The following CROCC2 variants were observed in gnomAD, a reference collection of about 807,000 sequenced individuals.
CROCC2 encodes ciliary rootlet coiled-coil protein 2.
Under a neutral mutation model 177.6 loss-of-function variants are expected in CROCC2, and 163 were observed. That is an observed-to-expected ratio of 0.92 (90% confidence interval 0.81 to 1.05). The LOEUF is 1.05. Among genes scored for constraint, CROCC2 ranks in the 50% least tolerant of loss-of-function variants. The pLI is 0.00. For missense variants in CROCC2, 1,929 were observed against 1,797.8 expected, an observed-to-expected ratio of 1.07 and a Z score of -1.32; for synonymous variants, 904 against 787.3, an observed-to-expected ratio of 1.15 and a Z score of -2.48.
At chr2:240,940,911 C>G (rs906623519) in intron 14 of CROCC2, among the ~76,000 whole-genome samples, 5 of 152,126 alleles carry the variant, frequency 3.3e-5, no homozygotes, top group Non-Finnish European at 7.4e-5. Context: ...CAAACTCTCA[C>G]TGTTTTCCGA....
rs927538616 is a variant in CROCC2, at chr2:240,917,756, A to T, written c.79-970A>T. 7.2e-5 allele frequency among the ~76,000 whole-genome samples: 11 copies of T among 152,208 alleles called. No homozygotes were observed. Among genetic ancestry groups the T allele is most frequent in the East Asian group, 3.8e-4 (2 of 5,198 alleles). ...GTAGTTAATTCACTGCCTGAAATTC[A>T]GATATCCTTAAGGCAGCAGGCCGGG... is the stretch of plus-strand genomic sequence containing the variant. On this transcript the variant is annotated intron_variant, in intron 1 of 31. Transcript: ENST00000690015. The surrounding 1 kb of genome is among the most constrained non-coding windows in gnomAD (Gnocchi z 4.9).
At chr2:240,955,071 C>T (rs2059582325) in intron 18 of CROCC2, 1 of 152,158 alleles carries the variant, frequency 6.6e-6, no homozygotes. Flanking sequence ...TTCCTCTTCT[C>T]ACTTATCAAA....
chr2:240,933,410 G>A (rs2059447169), intron 10 of CROCC2, 68 bp downstream of exon 10: 1 of 1,396,216 alleles, frequency 7.2e-7, no homozygotes, highest in East Asian at 2.5e-5. Context: ...CAGGGCTGCT[G>A]TCAGGACAAG....
chr2:240,963,490 G>T (rs922640414), intron 20 of CROCC2, 66 bp from the exon 21 acceptor site: 1 of 1,429,186 alleles, frequency 7.0e-7, no homozygotes, highest in Non-Finnish European at 9.3e-7. Flanking sequence ...GAGGCCACAG[G>T]CCCCTGTGGC....
intron 28 of CROCC2, among the ~76,000 whole-genome samples, chr2:240,987,104 G>T (rs1249868462): frequency 3.3e-5 from 5 of 152,234 alleles, no homozygotes; most frequent in East Asian, 3.9e-4. Context: ...ACTGAAGGGG[G>T]CCCAGCGCCA....
chr2:240,956,091 C>T, intron 19 of CROCC2, 119 bp downstream of exon 19: 1 of 732,686 alleles, frequency 1.4e-6, no homozygotes. Context: ...CCTTCCTGAG[C>T]CTCAGTTTCC....
At position 240,988,875 on chromosome 2, in the gene CROCC2, A is replaced by G. The variant is rs1283971304; in HGVS notation, c.4683+5A>G. On this transcript the variant is annotated splice_donor_5th_base_variant and intron_variant, in intron 29 of 31. Coordinates refer to ENST00000690015, the MANE Select transcript of CROCC2 (RefSeq NM_001351305.2). The stretch of plus-strand genomic sequence containing the variant: ...AGGCAAAATCAGCAGCTGCAGGTCA[A>G]CTGGGCCAGTGGAGCTCTGCATACC... 9.5e-6 allele frequency: 14 copies of G among 1,468,834 alleles called. No homozygotes were observed. The highest frequency in any genetic ancestry group is 1.2e-5 in the Non-Finnish European group (13 of 1,101,276). The allele number at this position is 1,468,834 out of a possible 1,614,324, so 91.0% of individuals were successfully genotyped here.
chr2:240,939,214 A>G (rs978742652), intron 14 of CROCC2, among the ~76,000 whole-genome samples: 1 of 152,096 alleles, frequency 6.6e-6, no homozygotes, highest in Admixed American at 6.5e-5. Flanking sequence ...AAAATTATAA[A>G]TGGGTACTGG....
At chr2:240,919,912 G>A in intron 2 of CROCC2, 71 bp from the exon 3 acceptor site, 1 of 669,176 alleles carries the variant, frequency 1.5e-6, no homozygotes, top group Non-Finnish European at 2.8e-6. Context: ...TCCCACCGTG[G>A]AGACAGGGCA....
intron 28 of CROCC2, among the ~76,000 whole-genome samples, chr2:240,987,006 G>A (rs907868824): frequency 1.3e-5 from 2 of 152,236 alleles, no homozygotes; most frequent in Non-Finnish European, 2.9e-5. Context: ...AGTCACGAAA[G>A]CCACCAGCCA....
At chr2:240,911,585 G>A (rs13423149) in intron 1 of CROCC2, among the ~76,000 whole-genome samples, 10,750 of 151,920 alleles carry the variant, frequency 0.071, 698 homozygotes, top group East Asian at 0.23. Flanking sequence ...GGTGTAAGCC[G>A]CCACGCCCGG....
Position 240,989,852 on chromosome 2 carries a change from C to A in CROCC2, c.4863+19C>A. 1 of 1,522,144 alleles carries A rather than the reference C, an allele frequency of 6.6e-7. No individual in the cohort carries two copies. Among genetic ancestry groups the A allele is most frequent in the Non-Finnish European group, 8.9e-7 (1 of 1,126,932 alleles). 94.3% of individuals were successfully genotyped at this position (1,522,144 alleles called of 1,614,324 possible). A position where few individuals can be genotyped will look rare whatever the true frequency, so the allele number is the denominator to read the frequency against. On this transcript the variant is annotated intron_variant, in intron 30 of 31. Coordinates refer to ENST00000690015, the MANE Select transcript of CROCC2 (RefSeq NM_001351305.2). ...AGAGCAGGTAAGGTCGGGACCCCAGCCCCCTGGGTGAGGGAAGAGGCAGGG... is the reference window on the plus strand; with the variant it reads ...AGAGCAGGTAAGGTCGGGACCCCAGACCCCTGGGTGAGGGAAGAGGCAGGG...
intron 3 of CROCC2, 129 bp from the exon 4 acceptor site, chr2:240,922,410 A>G (rs1248979488): frequency 1.7e-6 from 1 of 572,490 alleles, no homozygotes; most frequent in Non-Finnish European, 3.2e-6. Flanking sequence ...ACCCAACCCC[A>G]GCCCCTGCTG....
chr2:240,951,855 A>G (rs2059558543), intron 18 of CROCC2, among the ~76,000 whole-genome samples: 1 of 152,176 alleles, frequency 6.6e-6, no homozygotes, highest in Non-Finnish European at 1.5e-5. Context: ...CAAGCACACA[A>G]CTACCAGCCA....
chr2:240,972,773 G>A lies in CROCC2; in HGVS notation c.4401+4511G>A, dbSNP rs189340785. Reference sequence around the variant, plus strand: ...GGCCAAGTTGGTCTCATCTGCCCTCGGGAGTCCTCCAAGTCCCTGGTCTCC... The same window carrying A: ...GGCCAAGTTGGTCTCATCTGCCCTCAGGAGTCCTCCAAGTCCCTGGTCTCC... On this transcript the variant is annotated intron_variant, in intron 27 of 31. Coordinates refer to ENST00000690015, the MANE Select transcript of CROCC2 (RefSeq NM_001351305.2). This position sits in a 1 kb window ranked among gnomAD's most constrained non-coding sequence, Gnocchi z 7.1. Among the ~76,000 whole-genome samples the A allele has an allele frequency of 2.0e-4, 31 of 152,008 alleles. No homozygotes were observed. The highest frequency in any genetic ancestry group is 9.7e-4 in the East Asian group (5 of 5,156).
chr2:240,989,792 G>C lies in CROCC2; in HGVS notation c.4822G>C (p.Glu1608Gln). ...PQATQALESQEWTHQQQVKVL... is the reference protein window; with the variant it reads ...PQATQALESQQWTHQQQVKVL... ...GGCCACGCAGGCCCTGGAGTCCCAA[G>C]AATGGACCCACCAGCAGCAGGTAAA... Residue 1608 changes from glutamate (E) to glutamine (Q), a missense_variant, in exon 30 of 32, where the codon GAA becomes CAA. Physicochemically the swap from Glu to Gln is conservative, Grantham distance 29 (BLOSUM62 2). Transcript: ENST00000690015. 2 of 1,549,590 alleles carry C rather than the reference G, an allele frequency of 1.3e-6. No homozygotes were observed. Among genetic ancestry groups the C allele is most frequent in the Non-Finnish European group, 1.7e-6 (2 of 1,146,320 alleles).
chr2:240,910,041 C>T (rs1392840915), intron 1 of CROCC2, among the ~76,000 whole-genome samples: 1 of 152,152 alleles, frequency 6.6e-6, no homozygotes, highest in Non-Finnish European at 1.5e-5. Flanking sequence ...GCCACAGCTG[C>T]TCTCCCCTCC....
Position 240,988,876 on chromosome 2 carries a change from C to T in CROCC2, c.4683+6C>T. On this transcript the variant is annotated splice_donor_region_variant and intron_variant, in intron 29 of 31. Transcript: ENST00000690015. ...GGCAAAATCAGCAGCTGCAGGTCAA[C>T]TGGGCCAGTGGAGCTCTGCATACCC... The T allele has an allele frequency of 6.1e-6, 9 of 1,468,330 alleles. No individual in the cohort carries two copies. The highest frequency in any genetic ancestry group is 8.2e-6 in the Non-Finnish European group (9 of 1,101,048). The allele number at this position is 1,468,330 out of a possible 1,614,324, so 91.0% of individuals were successfully genotyped here. A position where few individuals can be genotyped will look rare whatever the true frequency, so the allele number is the denominator to read the frequency against.
chr2:240,957,922 T>C, intron 19 of CROCC2: 1 of 971,316 alleles, frequency 1.0e-6, no homozygotes. Context: ...AGGAAAGCCC[T>C]CCTGGGGCCC....
Sources: gnomAD v4.1 joint callset for allele counts (sites outside exome capture counted in the v4.1 genomes callset) on GRCh38, gnomAD v4.1.1 for gene constraint, Gnocchi (gnomAD v3.1) non-coding constraint, MANE v1.5 for transcripts, NCBI Gene and HGNC (gene_info 2026-07-23, HGNC 2026-07-21) for gene names.